CATSPERB: variants seen among roughly 807,000 people sequenced by gnomAD.
The protein encoded by CATSPERB is cation channel sperm-associated auxiliary subunit beta.
A neutral mutation model predicts 128.3 loss-of-function variants in CATSPERB; 93 were observed. That is an observed-to-expected ratio of 0.72 (90% confidence interval 0.61 to 0.86). The LOEUF is 0.86. CATSPERB is among the 40% of genes least tolerant of loss of function. CATSPERB has a pLI of 0.00. For missense variants in CATSPERB, 1,153 were observed against 1,329.5 expected (o/e 0.87, Z 2.06); for synonymous variants, 381 against 448.8 (o/e 0.85, Z 1.91).
chr14:91,622,052 C>G, intron 18 of CATSPERB, 115 bp from the exon 19 acceptor site: 1 of 638,414 alleles, frequency 1.6e-6, no homozygotes, highest in South Asian at 2.9e-5. Flanking sequence ...ATCTCTTAAC[C>G]AGAGAACACA....
chr14:91,724,622 G>T (rs569656530), intron 3 of CATSPERB, among the ~76,000 whole-genome samples: 1 of 151,994 alleles, frequency 6.6e-6, no homozygotes, highest in East Asian at 1.9e-4. Flanking sequence ...ATTTTACTCC[G>T]TTGTGTGTGT....
intron 14 of CATSPERB, among the ~76,000 whole-genome samples, chr14:91,666,230 G>A (rs1031624624): frequency 2.0e-5 from 3 of 152,186 alleles, no homozygotes; most frequent in Non-Finnish European, 2.9e-5. Flanking sequence ...AGCAAGGAAC[G>A]AATACAGCCT....
At chr14:91,729,366 G>A (rs1398216999) in intron 2 of CATSPERB, 35 bp downstream of exon 2, 1 of 972,836 alleles carries the variant, frequency 1.0e-6, no homozygotes, top group East Asian at 2.6e-5. Context: ...GAACTCCTGA[G>A]AAGGAAATAG....
intron 4 of CATSPERB, among the ~76,000 whole-genome samples, chr14:91,721,200 C>A (rs1428045288): frequency 6.6e-6 from 1 of 152,108 alleles, no homozygotes; most frequent in Non-Finnish European, 1.5e-5. Flanking sequence ...ACCAAAAGCA[C>A]AAGCAACAAG....
intron 15 of CATSPERB, among the ~76,000 whole-genome samples, chr14:91,640,395 T>TCCCCCCC (rs1330327799): frequency 4.7e-5 from 3 of 63,378 alleles, no homozygotes; most frequent in Non-Finnish European, 8.5e-5. Context: ...CCCTCCCCCC[T>TCCCCCCC]CCCCCCACCC....
chr14:91,625,121 G>T, intron 17 of CATSPERB, 114 bp from the exon 18 acceptor site: 2 of 636,736 alleles, frequency 3.1e-6, no homozygotes, highest in South Asian at 2.5e-5. Flanking sequence ...ACAAATATTT[G>T]ATTAACATTT....
intron 20 of CATSPERB, among the ~76,000 whole-genome samples, chr14:91,612,638 C>T (rs1020365805): frequency 6.6e-5 from 10 of 152,138 alleles, no homozygotes; most frequent in African/African-American, 2.4e-4. Context: ...ATTTTTGGAA[C>T]TTTAAAAATG....
intron 11 of CATSPERB, among the ~76,000 whole-genome samples, chr14:91,682,930 G>C (rs984074566): frequency 2.7e-4 from 41 of 152,120 alleles, no homozygotes; most frequent in Non-Finnish European, 4.0e-4. Context: ...AGTGGCACTA[G>C]TGCATTAAGA....
At chr14:91,583,201 G>A (rs963109750) in intron 26 of CATSPERB, among the ~76,000 whole-genome samples, 3 of 152,132 alleles carry the variant, frequency 2.0e-5, no homozygotes, top group South Asian at 2.1e-4. Flanking sequence ...GGCAGATCAC[G>A]AGGTCAGGAG....
chr14:91,680,496 A>G (rs1484049496), intron 11 of CATSPERB, among the ~76,000 whole-genome samples: 1 of 152,230 alleles, frequency 6.6e-6, no homozygotes, highest in African/African-American at 2.4e-5. Context: ...TCAATTTTAT[A>G]ACTTTGTTTT....
Position 91,719,460 on chromosome 14 carries a change from A to G in CATSPERB, c.328T>C (p.Trp110Arg). 1 of 1,611,608 alleles carries G rather than the reference A, an allele frequency of 6.2e-7. No homozygotes were observed. The highest frequency in any genetic ancestry group is 8.5e-7 in the Non-Finnish European group (1 of 1,178,728). ...NLTLFSDRILWLVDIPRENIT... is the reference protein window; with the variant it reads ...NLTLFSDRILRLVDIPRENIT... ...TTTTCTCTAGGAATATCAACCAACC[A>G]CAAAATCCGATCACTGAACTTGAAT... Residue 110 changes from tryptophan (W) to arginine (R), a missense_variant, in exon 5 of 27, where the codon TGG becomes CGG. By Grantham distance (101) the Trp-to-Arg change is moderately radical. Transcript: ENST00000256343.
At chr14:91,724,372 T>C (rs967633718) in intron 3 of CATSPERB, among the ~76,000 whole-genome samples, 11 of 152,266 alleles carry the variant, frequency 7.2e-5, no homozygotes, top group Non-Finnish European at 1.6e-4. Flanking sequence ...CATTTTTAGC[T>C]CAGAGAGCAT....
chr14:91,636,206 T>C, intron 17 of CATSPERB: 1 of 471,510 alleles, frequency 2.1e-6, no homozygotes. Flanking sequence ...CTACAAAAAA[T>C]ACAAAACTTA....
chr14:91,647,709 C>G (rs117172180), intron 15 of CATSPERB, among the ~76,000 whole-genome samples: 21,943 of 152,034 alleles, frequency 0.14, 2,099 homozygotes, highest in Admixed American at 0.28. Context: ...CAGAACAGCA[C>G]GGGAAAGGCC....
chr14:91,716,447 G>A (rs1019697800), intron 5 of CATSPERB, among the ~76,000 whole-genome samples: 13 of 152,046 alleles, frequency 8.6e-5, no homozygotes, highest in African/African-American at 3.1e-4. Context: ...GCCTGGTGGT[G>A]CGTATCTGTA....
At chr14:91,631,412 C>T (rs571230916) in intron 17 of CATSPERB, among the ~76,000 whole-genome samples, 1 of 152,198 alleles carries the variant, frequency 6.6e-6, no homozygotes, top group South Asian at 2.1e-4. Context: ...GCCTGTAATC[C>T]CAGCACTTTG....
At chr14:91,592,042 G>A (rs376266681) in intron 22 of CATSPERB, 40 bp from the exon 23 acceptor site, 158 of 1,282,458 alleles carry the variant, frequency 1.2e-4, no homozygotes, top group South Asian at 7.2e-5. Context: ...GTTTTTCTGC[G>A]TTGCGGGATT....
At chr14:91,660,768 C>T (rs985914835) in intron 14 of CATSPERB, among the ~76,000 whole-genome samples, 2 of 152,200 alleles carry the variant, frequency 1.3e-5, no homozygotes, top group Admixed American at 6.5e-5. Flanking sequence ...AAACAATTCT[C>T]CTTTTATGCC....
At chr14:91,728,145 G>T (rs904629838) in intron 2 of CATSPERB, among the ~76,000 whole-genome samples, 1 of 152,148 alleles carries the variant, frequency 6.6e-6, no homozygotes, top group African/African-American at 2.4e-5. Context: ...ATAGGGTGTT[G>T]CTCTGTCACC....
Sources: gnomAD v4.1 joint callset for allele counts (sites outside exome capture counted in the v4.1 genomes callset) on GRCh38, gnomAD v4.1.1 for gene constraint, MANE v1.5 for transcripts, NCBI Gene and HGNC (gene_info 2026-07-23, HGNC 2026-07-21) for gene names.